The following ANKFN1 variants were observed in gnomAD, a reference collection of about 807,000 sequenced individuals.
The protein encoded by ANKFN1 is ankyrin repeat and fibronectin type III domain containing 1.
In ANKFN1, 74 loss-of-function variants were observed where a neutral mutation model predicts 108.7. That is an observed-to-expected ratio of 0.68 (90% CI 0.56 to 0.83). The LOEUF (loss-of-function observed/expected upper bound fraction) is 0.83, where lower values mean the gene tolerates loss of function less well. Ranked by LOEUF, ANKFN1 falls within the 40% of genes least tolerant of loss-of-function variation. The pLI is 0.00. For synonymous variants in ANKFN1, 547 were observed against 516.2 expected (o/e 1.06, Z -0.81); for missense variants, 1,505 against 1,382.3 (o/e 1.09, Z -1.41).
intron 3 of ANKFN1, among the ~76,000 whole-genome samples, chr17:56,303,851 A>ATTTTTTTTTTTTTTTT (rs34077118): frequency 1.5e-5 from 2 of 131,946 alleles, no homozygotes; most frequent in African/African-American, 5.9e-5. Context: ...CGCTGAGCCA[A>ATTTTTTTTTTTTTTTT]TTTTTTTTTT....
chr17:56,058,745 C>T lies in ANKFN1; in HGVS notation c.288+12420C>T, dbSNP rs967510355. The stretch of plus-strand genomic sequence containing the variant: ...TGATGCCTTCCAGCTTCATCCACGT[C>T]CCTGCAAAGGACATGATCTCATTCA... On this transcript the variant is annotated intron_variant, in intron 4 of 12. Transcript: ENST00000635860. Among the ~76,000 whole-genome samples, 19 of 152,298 alleles carry T rather than the reference C, an allele frequency of 1.2e-4. No homozygotes were observed. In the Middle Eastern group the frequency reaches 0.017, roughly 136 times the overall value.
At chr17:56,064,575 C>A (rs1235190944) in intron 4 of ANKFN1, among the ~76,000 whole-genome samples, 1 of 152,226 alleles carries the variant, frequency 6.6e-6, no homozygotes, top group Non-Finnish European at 1.5e-5. Context: ...CCGTCCAGGC[C>A]CCCTGGCTCC....
At chr17:56,334,312 G>A (rs2045746122) in intron 4 of ANKFN1, among the ~76,000 whole-genome samples, 1 of 151,874 alleles carries the variant, frequency 6.6e-6, no homozygotes, top group Non-Finnish European at 1.5e-5. Flanking sequence ...TGTGGGGGCA[G>A]TGAAGGGATT....
chr17:56,405,067 TG>T (rs1361454303), intron 8 of ANKFN1, among the ~76,000 whole-genome samples: 1 of 152,026 alleles, frequency 6.6e-6, no homozygotes. Context: ...GAGGTGGTGG[TG>T]GGGGGTAGTG....
rs999815654 is a variant in ANKFN1 at position 56,204,936 on chromosome 17, C to T, written c.-70-7662C>T. Among the ~76,000 whole-genome samples, 8 of 152,096 alleles carry T rather than the reference C, an allele frequency of 5.3e-5. No homozygotes were observed. In the East Asian group the frequency reaches 9.8e-4, roughly 19 times the overall value. ...TAAAAACACAAAATAATTAGCCAGG[C>T]GTGGTGGCGGGTGCCTGTAGTCCCA... On this transcript the variant is annotated intron_variant, in intron 1 of 20. Transcript: ENST00000682825.
chr17:56,310,218 A>C (rs980749588), intron 3 of ANKFN1, among the ~76,000 whole-genome samples: 2 of 152,238 alleles, frequency 1.3e-5, no homozygotes, highest in Non-Finnish European at 2.9e-5. Context: ...TGAATTGTTT[A>C]TTTCTGGAAT....
rs2051058766 is a variant in ANKFN1, at chr17:56,492,105, C to T, written c.2261-82C>T. On this transcript the variant is annotated intron_variant, in intron 18 of 20. Coordinates refer to ENST00000682825, the MANE Select transcript of ANKFN1 (RefSeq NM_001370326.1). The stretch of plus-strand genomic sequence containing the variant: ...AGGATTAATAAATCATGTTTTCATT[C>T]AACTTGTTTTCTCTGAGGTATGAAT... 4.6e-6 allele frequency: 3 copies of T among 648,824 alleles called. No individual in the cohort carries two copies. In the African/African-American group the frequency reaches 5.4e-5, roughly 12 times the overall value. The allele number at this position is 648,824 out of a possible 1,614,324, so 40.2% of individuals were successfully genotyped here.
chr17:56,255,549 A>G (rs2144086302), intron 3 of ANKFN1, among the ~76,000 whole-genome samples: 1 of 152,316 alleles, frequency 6.6e-6, no homozygotes, highest in African/African-American at 2.4e-5. Context: ...AAGAAGTCAC[A>G]GTTAATGGCA....
intron 11 of ANKFN1, among the ~76,000 whole-genome samples, chr17:56,452,994 A>T (rs1170092803): frequency 6.6e-6 from 1 of 152,200 alleles, no homozygotes; most frequent in African/African-American, 2.4e-5. Flanking sequence ...AGGATTGAAT[A>T]ACTTCAGTAA....
chr17:56,049,436 A>G (rs1416576104), intron 4 of ANKFN1, among the ~76,000 whole-genome samples: 1 of 151,818 alleles, frequency 6.6e-6, no homozygotes, highest in East Asian at 1.9e-4. Context: ...ACATGTGCAC[A>G]TTGTGCAGGT....
intron 3 of ANKFN1, among the ~76,000 whole-genome samples, chr17:56,240,663 C>T (rs1432349407): frequency 2.0e-5 from 3 of 152,154 alleles, no homozygotes; most frequent in Admixed American, 6.6e-5. Context: ...ATGTAAGTTT[C>T]GGTTTCTCCA....
intron 3 of ANKFN1, among the ~76,000 whole-genome samples, chr17:56,277,749 A>G (rs1270214340): frequency 6.6e-6 from 1 of 152,216 alleles, no homozygotes; most frequent in Non-Finnish European, 1.5e-5. Context: ...ACTCACTGCC[A>G]TAAAATCATA....
chr17:56,361,133 G>T (rs947018348), intron 6 of ANKFN1, among the ~76,000 whole-genome samples: 2 of 151,818 alleles, frequency 1.3e-5, no homozygotes, highest in African/African-American at 2.4e-5. Context: ...CGTCCTCCAG[G>T]TTCATCCATG....
At chr17:56,360,137 A>AT (rs996542648) in intron 6 of ANKFN1, among the ~76,000 whole-genome samples, 1 of 152,106 alleles carries the variant, frequency 6.6e-6, no homozygotes, top group East Asian at 1.9e-4. Flanking sequence ...AGCCCTCAAT[A>AT]TTTTTTTCTG....
intron 4 of ANKFN1, among the ~76,000 whole-genome samples, chr17:56,080,911 G>A (rs1233154760): frequency 6.6e-6 from 1 of 152,166 alleles, no homozygotes; most frequent in African/African-American, 2.4e-5. Flanking sequence ...AGCTACTGAT[G>A]GCTTATCACG....
chr17:56,502,557 A>G (rs2051408073), intron 20 of ANKFN1, among the ~76,000 whole-genome samples: 1 of 152,212 alleles, frequency 6.6e-6, no homozygotes, highest in Admixed American at 6.5e-5. Context: ...GGGGAGAAAC[A>G]TTTAGTGTCC....
intron 3 of ANKFN1, among the ~76,000 whole-genome samples, chr17:56,303,558 A>G (rs1164829450): frequency 6.6e-6 from 1 of 152,234 alleles, no homozygotes; most frequent in Non-Finnish European, 1.5e-5. Context: ...GTTAAACCAG[A>G]CTATTGAAGC....
intron 3 of ANKFN1, among the ~76,000 whole-genome samples, chr17:56,281,765 G>T (rs147145343): frequency 1.3e-5 from 2 of 152,052 alleles, no homozygotes; most frequent in East Asian, 3.9e-4. Flanking sequence ...TAGACATCAA[G>T]GAAATGCAAA....
intron 13 of ANKFN1, 73 bp downstream of exon 13, chr17:56,457,462 G>A: frequency 6.9e-7 from 1 of 1,443,798 alleles, no homozygotes; most frequent in Non-Finnish European, 9.3e-7. Flanking sequence ...TGAAACATTA[G>A]TTGAGGGGTC....
Sources: gnomAD v4.1 joint callset for allele counts (sites outside exome capture counted in the v4.1 genomes callset) on GRCh38, gnomAD v4.1.1 for gene constraint, MANE v1.5 for transcripts, NCBI Gene and HGNC (gene_info 2026-07-23, HGNC 2026-07-21) for gene names.